Variants in WDR5 observed in about 807,000 individuals in gnomAD.
WDR5 encodes the protein WD repeat-containing protein 5.
For synonymous variants in WDR5, 144 were observed against 161.6 expected (o/e 0.89, Z 0.83); for missense variants, 187 against 416.9 (o/e 0.45, Z 4.80).
In WDR5 at chr9:134,152,161, C is replaced by T. The variant is rs555215954; in HGVS notation, c.631+132C>T. The T allele has an allele frequency of 2.1e-5, 22 of 1,047,282 alleles. No homozygotes were observed. In the Admixed American group the frequency reaches 2.8e-4, roughly 13 times the overall value. The allele number at this position is 1,047,282 out of a possible 1,614,324, so 64.9% of individuals were successfully genotyped here. ...CGCCCCTGCAGGAGGAACCTTCCTCCGTGTCCGACCGTTCCGCCAGCTCCC... is the reference window on the plus strand; with the variant it reads ...CGCCCCTGCAGGAGGAACCTTCCTCTGTGTCCGACCGTTCCGCCAGCTCCC... On this transcript the variant is annotated intron_variant, in intron 9 of 13. Coordinates refer to ENST00000358625, the MANE Select transcript of WDR5 (RefSeq NM_017588.3).
At chr9:134,146,269 CTG>C (rs1832197183) in intron 7 of WDR5, among the ~76,000 whole-genome samples, 1 of 150,404 alleles carries the variant, frequency 6.6e-6, no homozygotes, top group Admixed American at 6.6e-5. Flanking sequence ...GGGTCTCACT[CTG>C]TTGCCCAAGC....
At chr9:134,144,699 G>C (rs1197590664) in intron 7 of WDR5, among the ~76,000 whole-genome samples, 1 of 152,036 alleles carries the variant, frequency 6.6e-6, no homozygotes, top group Non-Finnish European at 1.5e-5. Context: ...AATTAGCCGG[G>C]CGTAGTGATG....
intron 12 of WDR5, among the ~76,000 whole-genome samples, chr9:134,155,994 G>A (rs1483413159): frequency 6.6e-6 from 1 of 152,236 alleles, no homozygotes; most frequent in Non-Finnish European, 1.5e-5. Flanking sequence ...GGCTTTGCTG[G>A]CAGTGCTTGG....
intron 7 of WDR5, among the ~76,000 whole-genome samples, chr9:134,145,960 A>ATATT (rs1172723151): frequency 2.9e-5 from 4 of 136,550 alleles, no homozygotes; most frequent in Admixed American, 7.2e-5. Context: ...TTGTTTTTTA[A>ATATT]TATTTATTTA....
At chr9:134,151,708 T>C (rs1832496192) in intron 8 of WDR5, among the ~76,000 whole-genome samples, 1 of 152,104 alleles carries the variant, frequency 6.6e-6, no homozygotes, top group African/African-American at 2.4e-5. Context: ...CCGCTCTGTG[T>C]TGGGGGTCAA....
In WDR5 at chr9:134,140,660, C is replaced by T. The variant is rs141814664; in HGVS notation, c.82-43C>T. The stretch of plus-strand genomic sequence containing the variant: ...AAATCCAAACTGGTCACGGGTGGAA[C>T]GTACAGTGGTGGTGACTTTTTGCTA... On this transcript the variant is annotated intron_variant, in intron 2 of 13. Transcript: ENST00000358625. The T allele has an allele frequency of 2.5e-4, 381 of 1,534,052 alleles. 1 individual carries two copies. The African/African-American group carries it at 3.3e-3, about 13-fold the overall frequency.
intron 8 of WDR5, among the ~76,000 whole-genome samples, chr9:134,151,298 C>T (rs1480688563): frequency 3.3e-5 from 5 of 152,136 alleles, no homozygotes; most frequent in East Asian, 1.9e-4. Context: ...CTCCCAGAGG[C>T]GGCTTCTCCA....
At chr9:134,136,860 C>G (rs1831589172) in intron 1 of WDR5, among the ~76,000 whole-genome samples, 1 of 152,134 alleles carries the variant, frequency 6.6e-6, no homozygotes. Flanking sequence ...TTGCAAGTTT[C>G]CACTCACCCC....
At chr9:134,152,172 G>A (rs1260853149) in intron 9 of WDR5, 143 bp downstream of exon 9, 17 of 983,974 alleles carry the variant, frequency 1.7e-5, no homozygotes, top group Admixed American at 2.6e-5. Flanking sequence ...GTGTCCGACC[G>A]TTCCGCCAGC....
At chr9:134,150,041 C>T (rs762868778) in intron 8 of WDR5, among the ~76,000 whole-genome samples, 49 of 152,320 alleles carry the variant, frequency 3.2e-4, no homozygotes, top group Non-Finnish European at 5.3e-4. Flanking sequence ...TGAAGCTTAT[C>T]CCAACGATTC....
chr9:134,142,100 G>T, intron 5 of WDR5, 62 bp downstream of exon 5: 2 of 1,526,112 alleles, frequency 1.3e-6, no homozygotes, highest in South Asian at 2.2e-5. Context: ...GGCAGGTGCG[G>T]GGGACTGAGT....
At chr9:134,141,927 G>C (rs376740257) in intron 4 of WDR5, 22 bp from the exon 5 acceptor site, 68 of 1,610,806 alleles carry the variant, frequency 4.2e-5, no homozygotes, top group Middle Eastern at 1.6e-4. Flanking sequence ...TCAAGTTACT[G>C]ACCCTGTTTT....
At chr9:134,135,692 G>A (rs951928369), upstream of WDR5, 4 of 152,138 alleles carry the variant, frequency 2.6e-5, no homozygotes, top group East Asian at 7.8e-4. Context: ...TGATCAAGAA[G>A]GGGCCTGGTC....
intron 2 of WDR5, 41 bp downstream of exon 2, chr9:134,139,999 A>G (rs1352863869): frequency 5.0e-6 from 8 of 1,606,610 alleles, no homozygotes; most frequent in Non-Finnish European, 6.8e-6. Context: ...CCGGGGGCAA[A>G]TACGCTTAGA....
At chr9:134,141,343 G>GA (rs1170887665) in intron 3 of WDR5, among the ~76,000 whole-genome samples, 167 bp from the exon 4 acceptor site, 1 of 152,148 alleles carries the variant, frequency 6.6e-6, no homozygotes, top group Non-Finnish European at 1.5e-5. Context: ...GGAGGGAGGG[G>GA]AAGGGGACTG....
intron 10 of WDR5, among the ~76,000 whole-genome samples, chr9:134,154,827 G>A (rs1019957240): frequency 6.6e-6 from 1 of 152,342 alleles, no homozygotes; most frequent in Middle Eastern, 3.4e-3. Flanking sequence ...TGAAGGAGTC[G>A]GCGGTCCGGG....
chr9:134,150,128 C>T (rs1287941601), intron 8 of WDR5, among the ~76,000 whole-genome samples: 4 of 152,214 alleles, frequency 2.6e-5, no homozygotes, highest in Admixed American at 1.3e-4. Flanking sequence ...GCCTTGATTG[C>T]TGGTCCCAGA....
intron 7 of WDR5, among the ~76,000 whole-genome samples, chr9:134,143,672 C>CG (rs996864517): frequency 6.6e-6 from 1 of 151,866 alleles, no homozygotes; most frequent in Non-Finnish European, 1.5e-5. Context: ...AGACTACAGG[C>CG]GCCCACCACC....
At chr9:134,139,718 A>T (rs569529959) in intron 1 of WDR5, 102 bp from the exon 2 acceptor site, 1 of 728,432 alleles carries the variant, frequency 1.4e-6, no homozygotes, top group Admixed American at 2.7e-5. Context: ...ACAGGGCTCA[A>T]TATGGTAGTC....
Sources: gnomAD v4.1 joint callset for allele counts (sites outside exome capture counted in the v4.1 genomes callset) on GRCh38, gnomAD v4.1.1 for gene constraint, MANE v1.5 for transcripts, NCBI Gene and HGNC (gene_info 2026-07-23, HGNC 2026-07-21) for gene names.